WDR49: variants seen among roughly 807,000 people sequenced by gnomAD.
The protein encoded by WDR49 is WD repeat domain 49, also known as cilia- and flagella-associated protein 337.
In WDR49, 107 loss-of-function variants were observed where a neutral mutation model predicts 119.5. That is an observed-to-expected ratio of 0.90 (90% CI 0.77 to 1.05). The LOEUF (loss-of-function observed/expected upper bound fraction) is 1.05. Among genes scored for constraint, WDR49 ranks in the 50% least tolerant of loss-of-function variants. The pLI is 0.00. For synonymous variants in WDR49, 425 were observed against 418.8 expected, an observed-to-expected ratio of 1.01 and a Z score of -0.18; for missense variants, 1,240 against 1,220.5, an observed-to-expected ratio of 1.02 and a Z score of -0.24.
intron 7 of WDR49, among the ~76,000 whole-genome samples, chr3:167,592,040 C>T (rs1560301827): frequency 6.6e-6 from 1 of 151,966 alleles, no homozygotes; most frequent in Non-Finnish European, 1.5e-5. Context: ...TAGTTTCTTG[C>T]TTTGTATTTT....
At chr3:167,547,039 T>C (rs1259423173) in intron 10 of WDR49, among the ~76,000 whole-genome samples, 3 of 151,620 alleles carry the variant, frequency 2.0e-5, no homozygotes, top group African/African-American at 7.3e-5. Context: ...ATGTAAGAAT[T>C]ATTTGTGAAT....
chr3:167,642,991 ACTCT>A (rs1005548633), intron 2 of WDR49, among the ~76,000 whole-genome samples: 1 of 151,910 alleles, frequency 6.6e-6, no homozygotes, highest in African/African-American at 2.4e-5. Context: ...GGGGCCGAAG[ACTCT>A]CTCTTACAGA....
chr3:167,527,720 A>T, intron 15 of WDR49, 100 bp downstream of exon 15: 11 of 1,211,700 alleles, frequency 9.1e-6, no homozygotes, highest in Non-Finnish European at 1.3e-5. Flanking sequence ...TTTCATGACT[A>T]ATGAACATTA....
chr3:167,595,962 C>T (rs1449415452), intron 7 of WDR49, among the ~76,000 whole-genome samples: 11 of 145,512 alleles, frequency 7.6e-5, no homozygotes, highest in African/African-American at 2.5e-4. Flanking sequence ...ATTTTCGCAA[C>T]CTACTCATCT....
intron 5 of WDR49, among the ~76,000 whole-genome samples, chr3:167,611,323 C>CA (rs908400018): frequency 3.3e-5 from 5 of 151,758 alleles, no homozygotes; most frequent in East Asian, 1.9e-4. Flanking sequence ...AACCTCAAAC[C>CA]AAAAAACATA....
intron 7 of WDR49, among the ~76,000 whole-genome samples, chr3:167,599,972 C>A (rs1040676801): frequency 6.6e-6 from 1 of 152,034 alleles, no homozygotes; most frequent in African/African-American, 2.4e-5. Flanking sequence ...TTCCAGGACT[C>A]GGTCCTTTCC....
Position 167,478,925 on chromosome 3 carries a change from G to T in WDR49, c.3103C>A (p.Gln1035Lys), listed in dbSNP as rs1174121957. The change falls in exon 19 of 19, where the codon CAA (glutamine) becomes AAA (lysine). Residue 1035 changes from glutamine to lysine, a missense_variant. Coordinates refer to ENST00000682715, the MANE Select transcript of WDR49 (RefSeq NM_001366157.1). ...EILHHERKAK[Q>K]LCQEKSCEVK... ...TCACAACTTTTTTCTTGGCATAATT[G>T]CTTGGCTTTTCGTTCATGATGCAGA... 6.2e-7 allele frequency: 1 copy of T among 1,608,886 alleles called. No homozygotes were observed. Among genetic ancestry groups the T allele is most frequent in the Non-Finnish European group, 8.5e-7 (1 of 1,178,794 alleles).
chr3:167,613,844 C>A (rs765648058), intron 5 of WDR49, among the ~76,000 whole-genome samples: 6 of 151,024 alleles, frequency 4.0e-5, no homozygotes, highest in Non-Finnish European at 7.4e-5. Context: ...ACTCGGGAGG[C>A]TGAGGCAGGA....
intron 10 of WDR49, among the ~76,000 whole-genome samples, chr3:167,537,740 C>T (rs1711550745): frequency 6.6e-6 from 1 of 152,058 alleles, no homozygotes; most frequent in Non-Finnish European, 1.5e-5. Context: ...TTAATACCAC[C>T]CTGTTTTCAC....
At chr3:167,626,610 A>G (rs1415689494) in intron 3 of WDR49, among the ~76,000 whole-genome samples, 2 of 152,068 alleles carry the variant, frequency 1.3e-5, no homozygotes, top group Admixed American at 1.3e-4. Context: ...ATACAGGAGT[A>G]AAGTCCTTAT....
At chr3:167,651,008 T>G (rs1718350302) in intron 2 of WDR49, among the ~76,000 whole-genome samples, 1 of 152,154 alleles carries the variant, frequency 6.6e-6, no homozygotes, top group African/African-American at 2.4e-5. Context: ...TCTGATCCAT[T>G]TATACAACTG....
intron 12 of WDR49, among the ~76,000 whole-genome samples, chr3:167,532,512 C>T (rs1298102547): frequency 1.3e-5 from 2 of 151,994 alleles, no homozygotes; most frequent in Admixed American, 6.6e-5. Flanking sequence ...AACAGCCTAT[C>T]GAGTGAACAT....
chr3:167,583,725 T>C (rs1167733227), intron 7 of WDR49, among the ~76,000 whole-genome samples: 1 of 152,094 alleles, frequency 6.6e-6, no homozygotes, highest in Non-Finnish European at 1.5e-5. Flanking sequence ...GGTACAGCCA[T>C]TGAGGTGAGA....
chr3:167,595,454 C>T (rs1207620016), intron 7 of WDR49, among the ~76,000 whole-genome samples: 2 of 152,176 alleles, frequency 1.3e-5, no homozygotes, highest in East Asian at 1.9e-4. Context: ...CATCACACTA[C>T]CTGACTTCAA....
intron 7 of WDR49, among the ~76,000 whole-genome samples, chr3:167,592,026 G>C (rs1359090292): frequency 1.3e-5 from 2 of 152,116 alleles, no homozygotes; most frequent in East Asian, 3.9e-4. Context: ...CTGGTCATAT[G>C]ATTTAGTTTC....
At chr3:167,556,930 C>A (rs1003898866) in intron 9 of WDR49, among the ~76,000 whole-genome samples, 2 of 152,132 alleles carry the variant, frequency 1.3e-5, no homozygotes, top group African/African-American at 4.8e-5. Context: ...GAGGCTGAAG[C>A]AGGAGAATAG....
At chr3:167,505,517 A>T in intron 16 of WDR49, 101 bp from the exon 17 acceptor site, 8 of 1,347,308 alleles carry the variant, frequency 5.9e-6, no homozygotes, top group Non-Finnish European at 6.7e-6. Context: ...CAAAAACAAA[A>T]ACAAAAAATC....
rs181251520 is a variant in WDR49 at position 167,550,313 on chromosome 3, T to A, written c.1823+4337A>T. On this transcript the variant is annotated intron_variant, in intron 10 of 18. Transcript: ENST00000682715. ...ATGGCCATTTTCACAATATTGATTC[T>A]TCCTATCCATGAGCATGGAATGTTC... is the stretch of plus-strand genomic sequence containing the variant. Among the ~76,000 whole-genome samples, 115 of 152,312 alleles carry A rather than the reference T, an allele frequency of 7.6e-4. No homozygotes were observed. The East Asian group carries it at 0.02, about 27-fold the overall frequency.
chr3:167,540,432 G>A (rs1005855444), intron 10 of WDR49, among the ~76,000 whole-genome samples: 1 of 152,096 alleles, frequency 6.6e-6, no homozygotes, highest in African/African-American at 2.4e-5. Flanking sequence ...AGACCCAGAA[G>A]AGCAGTAACA....
Sources: gnomAD v4.1 joint callset for allele counts (sites outside exome capture counted in the v4.1 genomes callset) on GRCh38, gnomAD v4.1.1 for gene constraint, MANE v1.5 for transcripts, NCBI Gene and HGNC (gene_info 2026-07-23, HGNC 2026-07-21) for gene names.